RAPSN: variants seen among roughly 807,000 people sequenced by gnomAD.
RAPSN encodes receptor associated protein of the synapse.
A neutral mutation model predicts 45.7 loss-of-function variants in RAPSN; 33 were observed. That is an observed-to-expected ratio of 0.72 (90% CI 0.55 to 0.97). RAPSN has a LOEUF of 0.97. Ranked by LOEUF, RAPSN falls within the 50% of genes least tolerant of loss-of-function variation. RAPSN has a pLI of 0.00. For synonymous variants in RAPSN, 244 were observed against 233.6 expected, an observed-to-expected ratio of 1.04 and a Z score of -0.40; for missense variants, 519 against 559.4, an observed-to-expected ratio of 0.93 and a Z score of 0.73.
At position 47,441,930 on chromosome 11, in the gene RAPSN, GA is replaced by G. The variant is rs1296641423; in HGVS notation, c.691-10del. 6.6e-7 allele frequency: 1 copy of G among 1,504,778 alleles called. No homozygotes were observed. Among genetic ancestry groups the G allele is most frequent in the Non-Finnish European group, 8.9e-7 (1 of 1,125,216 alleles). The allele number at this position is 1,504,778 out of a possible 1,614,324, so 93.2% of individuals were successfully genotyped here. Reference sequence around the variant, plus strand: ...GCGATCTTCATAGACTCCTGCGAGGGAGGCCAGTGGCTCAGGCCTACTCCTC... The same window carrying G: ...GCGATCTTCATAGACTCCTGCGAGGGGGCCAGTGGCTCAGGCCTACTCCTC... On this transcript the variant is annotated splice_polypyrimidine_tract_variant and intron_variant, in intron 3 of 7. Coordinates refer to ENST00000298854, the MANE Select transcript of RAPSN (RefSeq NM_005055.5).
intron 3 of RAPSN, 139 bp from the exon 4 acceptor site, chr11:47,442,060 G>T: frequency 2.2e-6 from 2 of 910,136 alleles, no homozygotes; most frequent in Non-Finnish European, 3.4e-6. Context: ...GGTGCTGAGG[G>T]CTCACACACT....
chr11:47,444,857 C>CAAAAAAAAAA (rs10611957), intron 2 of RAPSN, among the ~76,000 whole-genome samples: 6 of 80,710 alleles, frequency 7.4e-5, no homozygotes, highest in Non-Finnish European at 9.0e-5. Flanking sequence ...GACACTGTCT[C>CAAAAAAAAAA]AAAAAAAAAA....
In RAPSN at chr11:47,444,487, C is replaced by T. The variant is rs190846162; in HGVS notation, c.532-1673G>A. On this transcript the variant is annotated intron_variant, in intron 2 of 7. Transcript: ENST00000298854. Reference sequence around the variant, plus strand: ...ACAGGAGTTTTAGGTTACAGTGAACCGTGATTGAGCCACTGCACTCCATCC... The same window carrying T: ...ACAGGAGTTTTAGGTTACAGTGAACTGTGATTGAGCCACTGCACTCCATCC... Among the ~76,000 whole-genome samples, 17 of 151,756 alleles carry T rather than the reference C, an allele frequency of 1.1e-4. No homozygotes were observed. In the East Asian group the frequency reaches 2.7e-3, roughly 24 times the overall value.
rs756253036 is a variant in RAPSN, at chr11:47,441,752, G to T, written c.790-19C>A. 6.2e-5 allele frequency: 99 copies of T among 1,605,390 alleles called. No homozygotes were observed. Among genetic ancestry groups the T allele is most frequent in the Non-Finnish European group, 5.3e-5 (63 of 1,179,752 alleles). ...AGGCTGTCTGCAGAGCCAGGTGGGGGATGGAATCAGGCTGTATCAGGCCTG... is the reference window on the plus strand; with the variant it reads ...AGGCTGTCTGCAGAGCCAGGTGGGGTATGGAATCAGGCTGTATCAGGCCTG... On this transcript the variant is annotated intron_variant, in intron 4 of 7. Transcript: ENST00000298854.
intron 2 of RAPSN, 28 bp downstream of exon 2, chr11:47,447,784 C>T: frequency 6.3e-7 from 1 of 1,594,630 alleles, no homozygotes; most frequent in East Asian, 2.3e-5. Context: ...AAACCCTCCA[C>T]TGCTGTCCCC....
In RAPSN at chr11:47,448,794, G is replaced by A. The variant is rs757645214; in HGVS notation, c.171C>T (p.Gly57=). The change falls in exon 1 of 8, where the codon GGC becomes GGT. Residue 57 remains glycine (G), a synonymous_variant. Coordinates refer to ENST00000298854, the MANE Select transcript of RAPSN (RefSeq NM_005055.5). ...GCLVTAHSEM[G]RYKEMLKFAV... is the part of the protein sequence containing the mutation. ...CCACCTTCAGCATCTCCTTGTAGCG[G>A]CCCATCTCCGAGTGGGCTGTGACCA... 1 of 1,611,932 alleles carries A rather than the reference G, an allele frequency of 6.2e-7. No homozygotes were observed. Among genetic ancestry groups the A allele is most frequent in the East Asian group, 2.2e-5 (1 of 44,878 alleles).
rs149738400 is a variant in RAPSN at position 47,447,455 on chromosome 11, G to A, written c.531+357C>T. Among the ~76,000 whole-genome samples, 833 of 152,268 alleles carry A rather than the reference G, an allele frequency of 5.5e-3. 6 individuals carry two copies. The highest frequency in any genetic ancestry group is 8.3e-3 in the Non-Finnish European group (567 of 68,016). ...TGACTCCATACAACCCCACTGTAAG[G>A]TGAGTCCTATTCTCCTTCATTTTAC... On this transcript the variant is annotated intron_variant, in intron 2 of 7. Transcript: ENST00000298854.
Position 47,442,006 on chromosome 11 carries a change from C to T in RAPSN, c.691-85G>A, listed in dbSNP as rs1418666061. On this transcript the variant is annotated intron_variant, in intron 3 of 7. Transcript: ENST00000298854. ...CCCTCAACAGACCCCTCTGAAGGGA[C>T]AGCCCAGGGAAGCAACATCCTCAGA... The T allele has an allele frequency of 2.2e-6, 3 of 1,361,534 alleles. No homozygotes were observed. The African/African-American group carries it at 4.3e-5, about 20-fold the overall frequency. 84.3% of individuals were successfully genotyped at this position (1,361,534 alleles called of 1,614,324 possible).
intron 6 of RAPSN, among the ~76,000 whole-genome samples, chr11:47,440,755 GT>G (rs1174753187): frequency 6.6e-6 from 1 of 152,030 alleles, no homozygotes; most frequent in East Asian, 1.9e-4. Context: ...TCTCAAAAAT[GT>G]TTTTTTCTTT....
chr11:47,437,831 C>G lies in RAPSN; in HGVS notation c.*144G>C. 5.0e-6 allele frequency: 5 copies of G among 1,008,992 alleles called. No individual in the cohort carries two copies. Among genetic ancestry groups the G allele is most frequent in the Non-Finnish European group, 6.1e-6 (4 of 660,576 alleles). 62.5% of individuals were successfully genotyped at this position (1,008,992 alleles called of 1,614,324 possible). ...AAGAGGCAGGGAGGGGAGCTGGGCC[C>G]AGGGGAGCAGCCCTGGGCAGGCCCC... On this transcript the variant is annotated 3_prime_UTR_variant, in exon 8 of 8. Coordinates refer to ENST00000298854, the MANE Select transcript of RAPSN (RefSeq NM_005055.5).
intron 2 of RAPSN, among the ~76,000 whole-genome samples, chr11:47,444,968 A>ATGC (rs2076393584): frequency 6.6e-6 from 1 of 152,072 alleles, no homozygotes; most frequent in African/African-American, 2.4e-5. Context: ...TTATGCCTGT[A>ATGC]ATCCCAGCAC....
chr11:47,442,732 C>T lies in RAPSN; in HGVS notation c.614G>A (p.Arg205Gln), dbSNP rs34625105. Residue 205 changes from arginine (R) to glutamine (Q), a missense_variant, in exon 3 of 8, where the codon CGG becomes CAG. Physicochemically the swap from Arg to Gln is conservative, Grantham distance 43 (BLOSUM62 1). Coordinates refer to ENST00000298854, the MANE Select transcript of RAPSN (RefSeq NM_005055.5). ...GGCCATGTGGTACTGGCTCATGGCC[C>T]GGTACTTCAGGCTCCAGCCTTTGCC... ...NYGKGWSLKYRAMSQYHMAVA... is the reference protein window; with the variant it reads ...NYGKGWSLKYQAMSQYHMAVA... 24,487 of 1,614,256 alleles carry T rather than the reference C, an allele frequency of 0.015. 265 individuals are homozygous for T. The highest frequency in any genetic ancestry group is 0.039 in the Admixed American group (2,341 of 60,026).
intron 1 of RAPSN, 97 bp from the exon 2 acceptor site, chr11:47,448,247 C>A: frequency 3.1e-6 from 4 of 1,284,518 alleles, no homozygotes; most frequent in Non-Finnish European, 3.3e-6. Flanking sequence ...GCCCCACACC[C>A]ACCCCCCAGC....
chr11:47,441,620 C>A lies in RAPSN; in HGVS notation c.903G>T (p.Ala301=). The change falls in exon 5 of 8, where the codon GCG becomes GCT. Residue 301 remains alanine (A), a synonymous_variant. Coordinates refer to ENST00000298854, the MANE Select transcript of RAPSN (RefSeq NM_005055.5). The part of the protein sequence containing the change: ...GVAKCWVARK[A]LDKALDAIER... ...AAAGGCCCGACCTCACCTTGTCCAG[C>A]GCCTTCCTGGCCACCCAGCACTTGG... 1 of 1,606,856 alleles carries A rather than the reference C, an allele frequency of 6.2e-7. No homozygotes were observed. Among genetic ancestry groups the A allele is most frequent in the Non-Finnish European group, 8.5e-7 (1 of 1,179,604 alleles).
intron 6 of RAPSN, among the ~76,000 whole-genome samples, chr11:47,439,712 ATT>A (rs3972616): frequency 0.013 from 1,647 of 127,250 alleles, 38 homozygotes; most frequent in African/African-American, 0.046. Context: ...GATTATGACG[ATT>A]TTTTTTTTTT....
chr11:47,448,093 C>T lies in RAPSN; in HGVS notation c.250G>A (p.Glu84Lys), dbSNP rs1171081265. ...CTGCGTGCCAGGTTCAGGTAGCTCTCCAGGAGGAAGTCGGCATCCTCCAGC... is the reference window on the plus strand; with the variant it reads ...CTGCGTGCCAGGTTCAGGTAGCTCTTCAGGAGGAAGTCGGCATCCTCCAGC... ...RELEDADFLL[E>K]SYLNLARSNE... The change falls in exon 2 of 8, where the codon GAG (glutamate) becomes AAG (lysine). Residue 84 changes from glutamate to lysine, a missense_variant. By Grantham distance (56) the Glu-to-Lys change is moderately conservative. Transcript: ENST00000298854. The T allele has an allele frequency of 6.2e-7, 1 of 1,613,916 alleles. No homozygotes were observed. Among genetic ancestry groups the T allele is most frequent in the East Asian group, 2.2e-5 (1 of 44,878 alleles).
At chr11:47,446,643 C>T (rs1457836466) in intron 2 of RAPSN, among the ~76,000 whole-genome samples, 1 of 152,170 alleles carries the variant, frequency 6.6e-6, no homozygotes, top group Non-Finnish European at 1.5e-5. Context: ...CGGTGGCTCA[C>T]GCCTGTAATC....
Position 47,441,655 on chromosome 11 carries a change from G to T in RAPSN, c.868C>A (p.Leu290Met). The change falls in exon 5 of 8, where the codon CTG (leucine) becomes ATG (methionine). Residue 290 changes from leucine to methionine, a missense_variant. Transcript: ENST00000298854. Reference sequence around the variant, plus strand: ...GCCACCCAGCACTTGGCCACACCCAGCAGCGCCTGCACCTGCCCCAGGCGG... The same window carrying T: ...GCCACCCAGCACTTGGCCACACCCATCAGCGCCTGCACCTGCCCCAGGCGG... Reference protein sequence around the residue: ...GNRLGQVQALLGVAKCWVARK... With the variant: ...GNRLGQVQALMGVAKCWVARK... 1 of 1,609,424 alleles carries T rather than the reference G, an allele frequency of 6.2e-7. No homozygotes were observed. The highest frequency in any genetic ancestry group is 8.5e-7 in the Non-Finnish European group (1 of 1,179,778).
At position 47,442,713 on chromosome 11, in the gene RAPSN, G is replaced by A; in HGVS notation, c.633C>T (p.His211=). ...SLKYRAMSQY[H]MAVAYRLLGR... ...CCAGCAGGCGATAGGCCACGGCCAT[G>A]TGGTACTGGCTCATGGCCCGGTACT... Residue 211 remains histidine, a synonymous_variant, in exon 3 of 8, where the codon CAC becomes CAT. Transcript: ENST00000298854. The A allele has an allele frequency of 6.2e-7, 1 of 1,614,280 alleles. No individual in the cohort carries two copies. The highest frequency in any genetic ancestry group is 1.3e-5 in the African/African-American group (1 of 75,074).
Sources: allele counts gnomAD v4.1 joint callset (sites outside exome capture counted in the v4.1 genomes callset), GRCh38; gene constraint gnomAD v4.1.1; transcripts MANE v1.5; gene names NCBI Gene and HGNC (gene_info 2026-07-23, HGNC 2026-07-21).